The following NFATC2 variants were observed in gnomAD, a reference collection of about 807,000 sequenced individuals.
NFATC2 encodes the protein nuclear factor of activated T-cells, cytoplasmic 2.
Under a neutral mutation model 87.3 loss-of-function variants are expected in NFATC2, and 22 were observed. That is an observed-to-expected ratio of 0.25 (90% CI 0.18 to 0.36). NFATC2 has a LOEUF of 0.36. Ranked by LOEUF, NFATC2 falls within the 10% of genes least tolerant of loss-of-function variation. The pLI is 1.00. For synonymous variants in NFATC2, 565 were observed against 542.2 expected (o/e 1.04, Z -0.58); for missense variants, 1,149 against 1,259.1 (o/e 0.91, Z 1.32).
chr20:51,394,528 G>A (rs917096977), intron 10 of NFATC2, among the ~76,000 whole-genome samples: 14 of 151,828 alleles, frequency 9.2e-5, no homozygotes, highest in African/African-American at 3.4e-4. Context: ...GCCCCCCTTG[G>A]TGGCCACCCC....
At chr20:51,562,727 G>A, upstream of NFATC2, 1 of 1,257,210 alleles carries the variant, frequency 8.0e-7, no homozygotes. This position sits in a 1 kb window ranked among gnomAD's most constrained non-coding sequence, Gnocchi z 5.8. Context: ...GCGTGCCCGC[G>A]GGGCTGCCCT....
chr20:51,455,943 GATGGATGA>G (rs1394749904), intron 5 of NFATC2, among the ~76,000 whole-genome samples: 1 of 82,096 alleles, frequency 1.2e-5, no homozygotes, highest in Non-Finnish European at 2.4e-5. Flanking sequence ...TGGGTAGATG[GATGGATGA>G]GTGGATGGGT....
In NFATC2 at chr20:51,523,363, C is replaced by G. The variant is rs147035777; in HGVS notation, c.878G>C (p.Gly293Ala). ...VAPQDHGSPA[G>A]YPPVAGSAVI... Reference sequence around the variant, plus strand: ...GGCAGAGCCAGCCACAGGGGGGTACCCAGCCGGGGAGCCGTGGTCCTGGGG... The same window carrying G: ...GGCAGAGCCAGCCACAGGGGGGTACGCAGCCGGGGAGCCGTGGTCCTGGGG... The change falls in exon 2 of 11, where the codon GGG becomes GCG. Residue 293 changes from glycine to alanine, a missense_variant. By Grantham distance (60) the Gly-to-Ala change is moderately conservative (BLOSUM62 0). This residue lies in a region of NFATC2 where 563 missense variants were observed against 585.2 expected (regional missense o/e 0.96). Coordinates refer to ENST00000371564, the MANE Select transcript of NFATC2 (RefSeq NM_012340.5). The surrounding 1 kb of genome is among the most constrained non-coding windows in gnomAD (Gnocchi z 6.9). 16 of 1,611,568 alleles carry G rather than the reference C, an allele frequency of 9.9e-6. No individual in the cohort carries two copies. In the African/African-American group the frequency reaches 1.9e-4, roughly 19 times the overall value.
rs2076832962 is a variant in NFATC2, at chr20:51,542,353, G to C, written c.130+17C>G. 6.2e-7 allele frequency: 1 copy of C among 1,603,112 alleles called. No homozygotes were observed. The highest frequency in any genetic ancestry group is 1.7e-5 in the Admixed American group (1 of 59,508). On this transcript the variant is annotated intron_variant, in intron 1 of 10. Transcript: ENST00000371564. Reference sequence around the variant, plus strand: ...CTGGCGGGCTCAGGGGCCAGGCCAGGGGTAGCCTCCACCGACCTTCGTTCG... The same window carrying C: ...CTGGCGGGCTCAGGGGCCAGGCCAGCGGTAGCCTCCACCGACCTTCGTTCG...
chr20:51,560,775 T>G (rs1384377734), intron 1 of NFATC2, among the ~76,000 whole-genome samples: 1 of 151,712 alleles, frequency 6.6e-6, no homozygotes, highest in African/African-American at 2.4e-5. Context: ...CCTGCACGCA[T>G]GAGCATGGGC....
intron 3 of NFATC2, among the ~76,000 whole-genome samples, chr20:51,477,044 C>A (rs1004145177): frequency 6.6e-6 from 1 of 152,086 alleles, no homozygotes; most frequent in Non-Finnish European, 1.5e-5. Context: ...CCTCTCCATA[C>A]GCAGCCTGGA....
In NFATC2 at chr20:51,520,864, C is replaced by T. The variant is rs186816461; in HGVS notation, c.1160+2217G>A. On this transcript the variant is annotated intron_variant, in intron 2 of 10. Coordinates refer to ENST00000371564, the MANE Select transcript of NFATC2 (RefSeq NM_012340.5). ...TAGTAGAGACAGGGTTTCTCCATGT[C>T]GGTCAGGCTGGTCTCAAACTCCGAC... 8.6e-5 allele frequency among the ~76,000 whole-genome samples: 13 copies of T among 151,894 alleles called. No individual in the cohort carries two copies. In the East Asian group the frequency reaches 2.3e-3, roughly 27 times the overall value.
chr20:51,528,846 G>C (rs1309288595), intron 1 of NFATC2, among the ~76,000 whole-genome samples: 2 of 152,148 alleles, frequency 1.3e-5, no homozygotes, highest in African/African-American at 2.4e-5. Context: ...CCACCCACTG[G>C]AGGCCTCAAC....
At chr20:51,559,347 T>C (rs2077003119) in intron 1 of NFATC2, among the ~76,000 whole-genome samples, 2 of 152,262 alleles carry the variant, frequency 1.3e-5, no homozygotes, top group African/African-American at 4.8e-5. Flanking sequence ...CATATGTCTC[T>C]TTCCCTTCCA....
At chr20:51,540,298 C>T (rs529148619) in intron 1 of NFATC2, among the ~76,000 whole-genome samples, 1 of 152,348 alleles carries the variant, frequency 6.6e-6, no homozygotes, top group Admixed American at 6.5e-5. Flanking sequence ...CAGGCGTGAG[C>T]CACCACGCCT....
intron 5 of NFATC2, among the ~76,000 whole-genome samples, chr20:51,455,940 A>C (rs1163847416): frequency 1.1e-4 from 1 of 9,364 alleles, no homozygotes; most frequent in Non-Finnish European, 1.9e-4. Flanking sequence ...GGGTGGGTAG[A>C]TGGATGGATG....
upstream of NFATC2, among the ~76,000 whole-genome samples, chr20:51,543,228 C>A (rs990004520): frequency 1.3e-5 from 2 of 152,196 alleles, no homozygotes; most frequent in Non-Finnish European, 2.9e-5. Flanking sequence ...GCACTAGTCC[C>A]CCCCGTTACA....
intron 3 of NFATC2, among the ~76,000 whole-genome samples, chr20:51,513,680 T>C (rs1004261583): frequency 6.6e-6 from 1 of 152,150 alleles, no homozygotes; most frequent in Non-Finnish European, 1.5e-5. Flanking sequence ...GCCTCACTCC[T>C]CATGCAGCCC....
At chr20:51,442,524 T>C in intron 6 of NFATC2, among the ~76,000 whole-genome samples, 1 of 152,214 alleles carries the variant, frequency 6.6e-6, no homozygotes, top group Non-Finnish European at 1.5e-5. Context: ...TTTGTAAGTC[T>C]ATTCTTAAGT....
intron 5 of NFATC2, among the ~76,000 whole-genome samples, chr20:51,463,226 G>T (rs748980588): frequency 1.3e-5 from 2 of 152,238 alleles, no homozygotes; most frequent in Non-Finnish European, 2.9e-5. Context: ...CCTGGGAAGT[G>T]GGAGAGTGGA....
At chr20:51,400,191 T>G (rs1987848977) in intron 9 of NFATC2, among the ~76,000 whole-genome samples, 1 of 151,914 alleles carries the variant, frequency 6.6e-6, no homozygotes, top group Non-Finnish European at 1.5e-5. Flanking sequence ...CTGTTGGAAC[T>G]GATGTTAGAG....
At chr20:51,540,329 TGATAC>T (rs1483459076) in intron 1 of NFATC2, among the ~76,000 whole-genome samples, 1 of 152,172 alleles carries the variant, frequency 6.6e-6, no homozygotes, top group Non-Finnish European at 1.5e-5. Flanking sequence ...TACATACTCT[TGATAC>T]GATGTGATGA....
intron 3 of NFATC2, among the ~76,000 whole-genome samples, chr20:51,497,529 T>C (rs1446752501): frequency 6.6e-6 from 1 of 152,154 alleles, no homozygotes; most frequent in Non-Finnish European, 1.5e-5. Flanking sequence ...AGACCACCCT[T>C]GTTCAATCCC....
At chr20:51,560,125 C>T (rs2077009143) in intron 1 of NFATC2, among the ~76,000 whole-genome samples, 2 of 152,184 alleles carry the variant, frequency 1.3e-5, no homozygotes, top group Non-Finnish European at 1.5e-5. Flanking sequence ...GGATTTGTAG[C>T]TAATATTTAT....
Sources: allele counts gnomAD v4.1 joint callset (sites outside exome capture counted in the v4.1 genomes callset), GRCh38; gene constraint gnomAD v4.1.1; regional missense constraint gnomAD v4.1.1; non-coding constraint Gnocchi (gnomAD v3.1); transcripts MANE v1.5; gene names NCBI Gene and HGNC (gene_info 2026-07-23, HGNC 2026-07-21).